CNBD1: variants seen among roughly 807,000 people sequenced by gnomAD.
CNBD1 encodes the protein cyclic nucleotide binding domain containing 1.
CNBD1 carries 71 observed loss-of-function variants against 54.4 expected under a neutral mutation model. The observed-to-expected ratio is 1.30, with a 90% CI of 1.08 to 1.59. The LOEUF is 1.59. CNBD1 is among the 40% of genes most tolerant of loss of function. The pLI, the probability that CNBD1 is intolerant of heterozygous loss-of-function variation, is 0.00. For missense variants in CNBD1, 659 were observed against 518.0 expected, an observed-to-expected ratio of 1.27 and a Z score of -2.64; for synonymous variants, 182 against 170.7, an observed-to-expected ratio of 1.07 and a Z score of -0.51.
At chr8:87,406,358 G>A (rs2130981214) in intron 2 of CNBD1, among the ~76,000 whole-genome samples, 2 of 150,988 alleles carry the variant, frequency 1.3e-5, no homozygotes, top group East Asian at 3.9e-4. Context: ...ATTAACCACA[G>A]TAAATTCTCA....
At chr8:87,268,141 T>C (rs1415429983) in intron 6 of CNBD1, among the ~76,000 whole-genome samples, 3 of 152,078 alleles carry the variant, frequency 2.0e-5, no homozygotes, top group African/African-American at 4.8e-5. Context: ...GGTCTATCAG[T>C]CCCATATTTG....
At chr8:87,092,456 T>TATGTGTGTGTGTGTATATATATACAC (rs1811229731) in intron 4 of CNBD1, among the ~76,000 whole-genome samples, 2 of 138,890 alleles carry the variant, frequency 1.4e-5, no homozygotes, top group African/African-American at 6.4e-5. Flanking sequence ...TATATACACA[T>TATGTGTGTGTGTGTATATATATACAC]ATGTGTGTGT....
At chr8:87,042,131 G>C (rs1471045651) in intron 4 of CNBD1, among the ~76,000 whole-genome samples, 1 of 152,156 alleles carries the variant, frequency 6.6e-6, no homozygotes, top group Non-Finnish European at 1.5e-5. Flanking sequence ...TGTGCTCTTT[G>C]GTGCTTTTGT....
At chr8:86,928,738 G>A (rs568637431) in intron 3 of CNBD1, among the ~76,000 whole-genome samples, 3 of 152,300 alleles carry the variant, frequency 2.0e-5, no homozygotes, top group Admixed American at 6.5e-5. Context: ...GGGGCCTTAT[G>A]AGGGACCAAG....
chr8:87,425,147 C>T (rs1348242209), intron 2 of CNBD1, among the ~76,000 whole-genome samples: 2 of 152,138 alleles, frequency 1.3e-5, no homozygotes, highest in Non-Finnish European at 2.9e-5. Context: ...TCACGTAGTT[C>T]TCGGGCCTTG....
chr8:87,048,401 G>A (rs988521828), intron 4 of CNBD1, among the ~76,000 whole-genome samples: 10 of 152,142 alleles, frequency 6.6e-5, no homozygotes, highest in Admixed American at 6.5e-5. Context: ...GTAAAGCCAC[G>A]GGACGAAGAG....
chr8:86,977,514 T>C lies in CNBD1; in HGVS notation c.431+37760T>C, dbSNP rs772925090. 8.6e-5 allele frequency among the ~76,000 whole-genome samples: 13 copies of C among 151,914 alleles called. No individual in the cohort carries two copies. In the South Asian group the frequency reaches 1.9e-3, roughly 22 times the overall value. On this transcript the variant is annotated intron_variant, in intron 4 of 10. Coordinates refer to ENST00000518476, the MANE Select transcript of CNBD1 (RefSeq NM_173538.3). Reference sequence around the variant, plus strand: ...TAGCTAAGAAGCAATGAGAGAAGACTCAAGTAAAATCAGAAATCAAAGAGG... The same window carrying C: ...TAGCTAAGAAGCAATGAGAGAAGACCCAAGTAAAATCAGAAATCAAAGAGG...
intron 4 of CNBD1, among the ~76,000 whole-genome samples, chr8:87,186,405 T>G (rs1287895457): frequency 6.6e-6 from 1 of 152,156 alleles, no homozygotes. Context: ...AAAATATTTC[T>G]TGACCATCTC....
intron 5 of CNBD1, among the ~76,000 whole-genome samples, chr8:87,226,611 T>G (rs1277659797): frequency 6.7e-6 from 1 of 150,032 alleles, no homozygotes; most frequent in Admixed American, 6.6e-5. Context: ...AGAGATAGTT[T>G]GTTGTAATTT....
intron 5 of CNBD1, among the ~76,000 whole-genome samples, chr8:87,209,658 G>T (rs1342922979): frequency 6.6e-6 from 1 of 152,040 alleles, no homozygotes; most frequent in African/African-American, 2.4e-5. Context: ...ATTTTTCACA[G>T]AAATAGAAAA....
chr8:86,939,616 AG>A lies in CNBD1; in HGVS notation c.295del (p.Glu99LysfsTer13). ...EEQRELNEGK[E>X]ESQHQQPDDS... ...TTCAGGGAACTCAATGAAGGCAAAGAGGAAAGTCAACATCAACAACCTGATG... is the reference window on the plus strand; with the variant it reads ...TTCAGGGAACTCAATGAAGGCAAAGAGAAAGTCAACATCAACAACCTGATG... On this transcript the variant is annotated frameshift_variant, in exon 4 of 11. Coordinates refer to ENST00000518476, the MANE Select transcript of CNBD1 (RefSeq NM_173538.3). LOFTEE classifies it high-confidence loss of function. The A allele has an allele frequency of 6.3e-7, 1 of 1,592,106 alleles. No homozygotes were observed. The highest frequency in any genetic ancestry group is 8.5e-7 in the Non-Finnish European group (1 of 1,172,140).
At chr8:87,092,431 A>ATCTGTGTGTGTGTATATATATACACATG (rs1436881611) in intron 4 of CNBD1, among the ~76,000 whole-genome samples, 5 of 113,468 alleles carry the variant, frequency 4.4e-5, no homozygotes, top group African/African-American at 1.8e-4. Flanking sequence ...GTATGTATGT[A>ATCTGTGTGTGTGTATATATATACACATG]TGTGTGTGTG....
chr8:87,286,851 C>A (rs1232231546), intron 8 of CNBD1, among the ~76,000 whole-genome samples, 180 bp downstream of exon 8: 1 of 151,944 alleles, frequency 6.6e-6, no homozygotes, highest in Non-Finnish European at 1.5e-5. Context: ...AAAAATGATA[C>A]TGTACTGGCT....
At chr8:87,198,977 C>A (rs571325233) in intron 4 of CNBD1, among the ~76,000 whole-genome samples, 1 of 152,178 alleles carries the variant, frequency 6.6e-6, no homozygotes, top group Non-Finnish European at 1.5e-5. Flanking sequence ...GGGCAATAGG[C>A]ATGTCACAGG....
rs75906796 is a variant in CNBD1 at position 87,318,510 on chromosome 8, G to A, written c.1042+31839G>A. ...CCATACGTTTTGAAGGAGCCCCTGC[G>A]TGCACATCAGAGGTTGTTCCCTCTA... On this transcript the variant is annotated intron_variant, in intron 8 of 10. Coordinates refer to ENST00000518476, the MANE Select transcript of CNBD1 (RefSeq NM_173538.3). Among the ~76,000 whole-genome samples the A allele has an allele frequency of 3.4e-4, 51 of 152,158 alleles. 1 individual carries two copies. The highest frequency in any genetic ancestry group is 6.2e-4 in the South Asian group (3 of 4,826).
At chr8:86,996,372 A>T (rs962182395) in intron 4 of CNBD1, among the ~76,000 whole-genome samples, 6 of 152,186 alleles carry the variant, frequency 3.9e-5, no homozygotes, top group African/African-American at 1.2e-4. Flanking sequence ...AGAATTCTCA[A>T]TAAACATTAA....
intron 4 of CNBD1, among the ~76,000 whole-genome samples, chr8:87,039,944 C>T (rs778551197): frequency 2.6e-5 from 4 of 152,118 alleles, no homozygotes; most frequent in Non-Finnish European, 1.5e-5. Flanking sequence ...TGGGGAGCCA[C>T]AAGACCAGAT....
At chr8:86,978,418 T>A (rs887641588) in intron 4 of CNBD1, among the ~76,000 whole-genome samples, 32 of 152,202 alleles carry the variant, frequency 2.1e-4, no homozygotes, top group African/African-American at 6.0e-4. Flanking sequence ...AAAATTTTTG[T>A]CTCTAATTTA....
chr8:87,278,733 G>C (rs1298202195), intron 6 of CNBD1, among the ~76,000 whole-genome samples: 1 of 151,436 alleles, frequency 6.6e-6, no homozygotes, highest in African/African-American at 2.4e-5. Context: ...GAAGAACAAA[G>C]AAACTTCTTG....
Sources: gnomAD v4.1 joint callset for allele counts (sites outside exome capture counted in the v4.1 genomes callset) on GRCh38, gnomAD v4.1.1 for gene constraint, MANE v1.5 for transcripts, NCBI Gene and HGNC (gene_info 2026-07-23, HGNC 2026-07-21) for gene names.